The following NPM1 variants were observed in gnomAD, a reference collection of about 807,000 sequenced individuals.
The protein encoded by NPM1 is nucleophosmin.
A neutral mutation model predicts 44.1 loss-of-function variants in NPM1; 1 was observed. That is an observed-to-expected ratio of 0.02 (90% CI 0.01 to 0.11). The LOEUF (loss-of-function observed/expected upper bound fraction) is 0.11. Among genes scored for constraint, NPM1 ranks in the 10% least tolerant of loss-of-function variants. NPM1 has a pLI of 1.00. For synonymous variants in NPM1, 126 were observed against 111.8 expected (o/e 1.13, Z -0.80); for missense variants, 197 against 347.8 (o/e 0.57, Z 3.45).
At chr5:171,388,078 G>GGGGGT in intron 1 of NPM1, 72 bp downstream of exon 1, 1 of 616,752 alleles carries the variant, frequency 1.6e-6, no homozygotes, top group Non-Finnish European at 3.0e-6. Context: ...TGAGGGGCGG[G>GGGGGT]AATCCGGCTG....
At chr5:171,401,377 G>C (rs1201110870) in intron 8 of NPM1, among the ~76,000 whole-genome samples, 1 of 151,938 alleles carries the variant, frequency 6.6e-6, no homozygotes, top group Non-Finnish European at 1.5e-5. Flanking sequence ...CTTGTTGTGT[G>C]TTGTAGGTAC....
At chr5:171,402,966 T>TTTC (rs1361088347) in intron 8 of NPM1, among the ~76,000 whole-genome samples, 7 of 114,362 alleles carry the variant, frequency 6.1e-5, no homozygotes, top group African/African-American at 2.3e-4. Context: ...TTTTTTTTTT[T>TTTC]CATTTTATTT....
chr5:171,407,881 C>T (rs937125533), intron 10 of NPM1, 107 bp downstream of exon 10: 2 of 671,802 alleles, frequency 3.0e-6, no homozygotes, highest in African/African-American at 3.7e-5. Context: ...AAGTTCCTAA[C>T]CACAGATAAT....
chr5:171,388,184 G>T (rs979643808), intron 1 of NPM1, among the ~76,000 whole-genome samples, 178 bp downstream of exon 1: 5 of 151,954 alleles, frequency 3.3e-5, no homozygotes, highest in Admixed American at 3.3e-4. Context: ...GGAGCCGCGG[G>T]GGGAGCCGGT....
chr5:171,400,883 G>C lies in NPM1; in HGVS notation c.627G>C (p.Gln209His), dbSNP rs1431020185. ...CCAAAAATGCACAAAAGTCAAATCA[G>C]AATGGAAAAGACTCAAAACCATCAT... Reference protein sequence around the residue: ...TPAKNAQKSNQNGKDSKPSST... With the variant: ...TPAKNAQKSNHNGKDSKPSST... Residue 209 changes from glutamine to histidine, a missense_variant, in exon 8 of 11, where the codon CAG becomes CAC. By Grantham distance (24) the Gln-to-His change is conservative. Transcript: ENST00000296930. 13 of 1,611,578 alleles carry C rather than the reference G, an allele frequency of 8.1e-6. No individual in the cohort carries two copies. The highest frequency in any genetic ancestry group is 1.3e-5 in the African/African-American group (1 of 74,212).
At chr5:171,389,765 TGA>T (rs1770476612) in intron 1 of NPM1, among the ~76,000 whole-genome samples, 1 of 152,204 alleles carries the variant, frequency 6.6e-6, no homozygotes, top group Non-Finnish European at 1.5e-5. Context: ...TGCTTCAGGT[TGA>T]GATTTACTAA....
At chr5:171,395,904 T>C (rs1447027141) in intron 6 of NPM1, among the ~76,000 whole-genome samples, 2 of 152,156 alleles carry the variant, frequency 1.3e-5, no homozygotes, top group East Asian at 1.9e-4. Context: ...AATACGTTGA[T>C]AGTATGTGGC....
chr5:171,387,722 A>C, upstream of NPM1: 11 of 557,976 alleles, frequency 2.0e-5, no homozygotes, highest in Non-Finnish European at 2.6e-5. Flanking sequence ...GTGGGGTTGA[A>C]AAGCGCTTGC....
rs531282635 is a variant in NPM1, at chr5:171,408,201, T to C, written c.846+427T>C. ...GAAATACATTATGCCAAAATCATCC[T>C]AACATGAAATCTGGAAGCAAGACAC... On this transcript the variant is annotated intron_variant, in intron 10 of 10. Coordinates refer to ENST00000296930, the MANE Select transcript of NPM1 (RefSeq NM_002520.7). Among the ~76,000 whole-genome samples the C allele has an allele frequency of 6.6e-5, 10 of 151,768 alleles. No homozygotes were observed. The South Asian group carries it at 1.9e-3, about 29-fold the overall frequency.
chr5:171,401,224 G>GGT (rs899524144), intron 8 of NPM1, among the ~76,000 whole-genome samples: 4 of 152,002 alleles, frequency 2.6e-5, no homozygotes, highest in African/African-American at 9.7e-5. Context: ...CAGGCATGGT[G>GGT]GTATGTGCCT....
chr5:171,400,726 A>G (rs1213773936), intron 7 of NPM1, 113 bp from the exon 8 acceptor site: 3 of 680,074 alleles, frequency 4.4e-6, no homozygotes, highest in Non-Finnish European at 7.9e-6. Flanking sequence ...GATTACAGGC[A>G]TGAGCCACCA....
chr5:171,409,326 G>A (rs940903536), intron 10 of NPM1, among the ~76,000 whole-genome samples: 3 of 152,168 alleles, frequency 2.0e-5, no homozygotes, highest in South Asian at 4.1e-4. Flanking sequence ...CTGGCTGGGC[G>A]TGGTAGTTCA....
Position 171,400,144 on chromosome 5 carries a change from C to T in NPM1, c.525-9C>T, listed in dbSNP as rs758262702. On this transcript the variant is annotated splice_polypyrimidine_tract_variant and intron_variant, in intron 6 of 10. Coordinates refer to ENST00000296930, the MANE Select transcript of NPM1 (RefSeq NM_002520.7). ...GAAAGTGCTTAATGTCTTGACATTTCATTTGTAGTGATGATGATGATGATT... is the reference window on the plus strand; with the variant it reads ...GAAAGTGCTTAATGTCTTGACATTTTATTTGTAGTGATGATGATGATGATT... The T allele has an allele frequency of 6.7e-7, 1 of 1,486,038 alleles. No homozygotes were observed. Among genetic ancestry groups the T allele is most frequent in the Non-Finnish European group, 9.4e-7 (1 of 1,064,430 alleles). The allele number at this position is 1,486,038 out of a possible 1,614,324, so 92.1% of individuals were successfully genotyped here.
chr5:171,404,691 A>G (rs985971376), intron 8 of NPM1, among the ~76,000 whole-genome samples: 1 of 136,278 alleles, frequency 7.3e-6, no homozygotes, highest in African/African-American at 2.8e-5. Context: ...ATTCCAGACG[A>G]TGGGCGGCCA....
chr5:171,407,429 G>A (rs879312980), intron 9 of NPM1: 10 of 404,502 alleles, frequency 2.5e-5, no homozygotes, highest in East Asian at 8.9e-5. Flanking sequence ...TTTGTTTGTC[G>A]AATCTCAAGT....
At chr5:171,409,313 T>TCTCTTC (rs1329596212) in intron 10 of NPM1, among the ~76,000 whole-genome samples, 1 of 152,162 alleles carries the variant, frequency 6.6e-6, no homozygotes, top group Non-Finnish European at 1.5e-5. Flanking sequence ...GATGATAAGA[T>TCTCTTC]CTCTGGCTGG....
chr5:171,404,823 C>A (rs1771477382), intron 8 of NPM1, among the ~76,000 whole-genome samples: 1 of 151,894 alleles, frequency 6.6e-6, no homozygotes, highest in Admixed American at 6.6e-5. Flanking sequence ...GAGATCACGC[C>A]ACTGCACTCC....
intron 2 of NPM1, chr5:171,391,102 C>T (rs555557768): frequency 1.1e-4 from 59 of 557,726 alleles, no homozygotes; most frequent in Non-Finnish European, 1.6e-4. Context: ...AGGTTTGTAG[C>T]CTAGGTGTGT....
intron 4 of NPM1, 81 bp from the exon 5 acceptor site, chr5:171,392,629 A>G: frequency 1.4e-6 from 1 of 731,982 alleles, no homozygotes. Context: ...CTCAGTTTTT[A>G]GAGTATTTAC....
Sources: gnomAD v4.1 joint callset for allele counts (sites outside exome capture counted in the v4.1 genomes callset) on GRCh38, gnomAD v4.1.1 for gene constraint, MANE v1.5 for transcripts, NCBI Gene and HGNC (gene_info 2026-07-23, HGNC 2026-07-21) for gene names.